Variants in KCNIP4 observed in about 807,000 individuals in gnomAD.
KCNIP4 encodes potassium voltage-gated channel interacting protein 4, also known as Kv channel-interacting protein 4.
Under a neutral mutation model 34.0 loss-of-function variants are expected in KCNIP4, and 12 were observed. The observed-to-expected ratio is 0.35, with a 90% CI of 0.23 to 0.57. The LOEUF (loss-of-function observed/expected upper bound fraction) is 0.57, where lower values mean the gene tolerates loss of function less well. Ranked by LOEUF, KCNIP4 falls within the 20% of genes least tolerant of loss-of-function variation. The probability of loss-of-function intolerance (pLI) is 0.83; values close to 1 mark genes in which losing one functional copy is unlikely to be tolerated. For synonymous variants in KCNIP4, 124 were observed against 102.2 expected, an observed-to-expected ratio of 1.21 and a Z score of -1.29; for missense variants, 238 against 311.7, an observed-to-expected ratio of 0.76 and a Z score of 1.78.
intron 1 of KCNIP4, among the ~76,000 whole-genome samples, chr4:21,137,362 G>A (rs1751581231): frequency 1.3e-5 from 2 of 152,066 alleles, no homozygotes; most frequent in South Asian, 2.1e-4. Context: ...TGGTTTCCTC[G>A]ATGCTCAAGC....
chr4:21,422,196 CTTTTT>C (rs35669431), intron 1 of KCNIP4, among the ~76,000 whole-genome samples: 3 of 141,960 alleles, frequency 2.1e-5, no homozygotes, highest in African/African-American at 2.6e-5. Flanking sequence ...CTGCAGCCTA[CTTTTT>C]TTTTTTTTTT....
Position 21,107,731 on chromosome 4 carries a change from C to T in KCNIP4, c.62-225022G>A, listed in dbSNP as rs558942108. On this transcript the variant is annotated intron_variant, in intron 1 of 8. Transcript: ENST00000382152. ...ACAATTTGGCATGATGTTGCAGTGG[C>T]TGGTACCAGTTGATCCTTTCCATGT... 9.2e-5 allele frequency among the ~76,000 whole-genome samples: 14 copies of T among 151,712 alleles called. No individual in the cohort carries two copies. The East Asian group carries it at 1.9e-3, about 21-fold the overall frequency.
intron 1 of KCNIP4, among the ~76,000 whole-genome samples, chr4:21,525,423 A>G (rs1432554970): frequency 6.6e-6 from 1 of 152,144 alleles, no homozygotes; most frequent in Admixed American, 6.6e-5. Context: ...TATGAACTCA[A>G]ATGTGAAGAG....
intron 1 of KCNIP4, among the ~76,000 whole-genome samples, chr4:21,229,717 T>C (rs1758658303): frequency 6.6e-6 from 1 of 152,076 alleles, no homozygotes; most frequent in Non-Finnish European, 1.5e-5. Flanking sequence ...GAAGGCATCA[T>C]TGGAGGCGAG....
chr4:21,595,352 C>T (rs1200529834), intron 1 of KCNIP4, among the ~76,000 whole-genome samples: 14 of 151,982 alleles, frequency 9.2e-5, no homozygotes, highest in Admixed American at 2.6e-4. Context: ...TAGTATTCCA[C>T]GGTATATATG....
intron 1 of KCNIP4, among the ~76,000 whole-genome samples, chr4:21,479,371 G>T (rs1731243265): frequency 6.6e-6 from 1 of 152,138 alleles, no homozygotes; most frequent in Non-Finnish European, 1.5e-5. Flanking sequence ...TAACTCTGTG[G>T]GAAAGTGAAT....
chr4:20,749,240 G>A (rs1048282569), intron 5 of KCNIP4, among the ~76,000 whole-genome samples: 7 of 151,842 alleles, frequency 4.6e-5, no homozygotes, highest in Admixed American at 1.3e-4. Context: ...TTGTCAGGCT[G>A]GTGAATGTAG....
At chr4:21,597,299 G>A (rs985908607) in intron 1 of KCNIP4, among the ~76,000 whole-genome samples, 2 of 152,112 alleles carry the variant, frequency 1.3e-5, no homozygotes, top group South Asian at 2.1e-4. Flanking sequence ...TGTCTGCCGC[G>A]ATGTAAGACG....
At chr4:21,628,592 A>G (rs1745493484) in intron 1 of KCNIP4, among the ~76,000 whole-genome samples, 1 of 152,190 alleles carries the variant, frequency 6.6e-6, no homozygotes, top group South Asian at 2.1e-4. Context: ...TTTCATTTAG[A>G]GAAATGTCAC....
chr4:21,740,190 A>G (rs978310939), intron 1 of KCNIP4, among the ~76,000 whole-genome samples: 4 of 152,170 alleles, frequency 2.6e-5, no homozygotes, highest in Non-Finnish European at 4.4e-5. Context: ...GCATATATAC[A>G]TAGACATGCA....
chr4:21,612,253 G>A (rs553985843), intron 1 of KCNIP4, among the ~76,000 whole-genome samples: 1 of 152,258 alleles, frequency 6.6e-6, no homozygotes, highest in African/African-American at 2.4e-5. Context: ...AACAAATGGA[G>A]CTGGGTTGCA....
chr4:21,052,338 A>G (rs1743009627), intron 1 of KCNIP4, among the ~76,000 whole-genome samples: 1 of 152,180 alleles, frequency 6.6e-6, no homozygotes, highest in African/African-American at 2.4e-5. Flanking sequence ...TGACAAAGGT[A>G]CTTCCCATGA....
At position 21,037,180 on chromosome 4, in the gene KCNIP4, C is replaced by T. The variant is rs149769485; in HGVS notation, c.62-154471G>A. Among the ~76,000 whole-genome samples, 4 of 152,158 alleles carry T rather than the reference C, an allele frequency of 2.6e-5. No individual in the cohort carries two copies. The East Asian group carries it at 5.8e-4, about 22-fold the overall frequency. On this transcript the variant is annotated intron_variant, in intron 1 of 8. Coordinates refer to ENST00000382152, the MANE Select transcript of KCNIP4 (RefSeq NM_025221.6). Reference sequence around the variant, plus strand: ...TATAAAGTAAAACAATTATAATTAGCTAACGTTAATTTATTACTGAAGAAA... The same window carrying T: ...TATAAAGTAAAACAATTATAATTAGTTAACGTTAATTTATTACTGAAGAAA...
intron 1 of KCNIP4, among the ~76,000 whole-genome samples, chr4:21,805,588 A>G (rs553126601): frequency 6.6e-6 from 1 of 152,126 alleles, no homozygotes; most frequent in African/African-American, 2.4e-5. Context: ...AAAATGGACT[A>G]ATACCTGTAT....
At chr4:20,935,240 G>T (rs974350070) in intron 1 of KCNIP4, among the ~76,000 whole-genome samples, 13 of 152,146 alleles carry the variant, frequency 8.5e-5, no homozygotes, top group Non-Finnish European at 1.3e-4. Context: ...ACTGAAAAAT[G>T]CTTGTTGCAG....
rs147427109 is a variant in KCNIP4 at position 21,637,393 on chromosome 4, C to T, written c.61+311178G>A. ...CTACTCACATGGGTTTATGACATGACGAGCACTGTGCTAAGCAACTTACCT... is the reference window on the plus strand; with the variant it reads ...CTACTCACATGGGTTTATGACATGATGAGCACTGTGCTAAGCAACTTACCT... On this transcript the variant is annotated intron_variant, in intron 1 of 8. Transcript: ENST00000382152. 5.2e-3 allele frequency among the ~76,000 whole-genome samples: 798 copies of T among 152,120 alleles called. 3 individuals carry two copies. The highest frequency in any genetic ancestry group is 0.018 in the African/African-American group (757 of 41,524).
At chr4:21,702,530 T>C (rs944012175) in intron 1 of KCNIP4, among the ~76,000 whole-genome samples, 2 of 152,090 alleles carry the variant, frequency 1.3e-5, no homozygotes, top group Non-Finnish European at 2.9e-5. Flanking sequence ...AAATACAAAC[T>C]AAAATAATTC....
chr4:21,668,037 A>G (rs1284702497), intron 1 of KCNIP4, among the ~76,000 whole-genome samples: 1 of 152,232 alleles, frequency 6.6e-6, no homozygotes, highest in Non-Finnish European at 1.5e-5. Flanking sequence ...TATACCATGG[A>G]ATACTATGCA....
chr4:20,828,007 A>G (rs1276568009), intron 3 of KCNIP4, among the ~76,000 whole-genome samples: 1 of 152,094 alleles, frequency 6.6e-6, no homozygotes, highest in African/African-American at 2.4e-5. Flanking sequence ...ACCACTGTGG[A>G]TATCTATTTT....
Sources: gnomAD v4.1 joint callset for allele counts (sites outside exome capture counted in the v4.1 genomes callset) on GRCh38, gnomAD v4.1.1 for gene constraint, MANE v1.5 for transcripts, NCBI Gene and HGNC (gene_info 2026-07-23, HGNC 2026-07-21) for gene names.